The following HECTD4 variants were observed in gnomAD, a reference collection of about 807,000 sequenced individuals.
HECTD4 encodes probable E3 ubiquitin-protein ligase HECTD4.
A neutral mutation model predicts 471.5 loss-of-function variants in HECTD4; 114 were observed. That is an observed-to-expected ratio of 0.24 (90% CI 0.21 to 0.28). The LOEUF is 0.28. Among genes scored for constraint, HECTD4 ranks in the 10% least tolerant of loss-of-function variants. HECTD4 has a pLI of 1.00. For missense variants in HECTD4, 3,866 were observed against 5,651.5 expected, an observed-to-expected ratio of 0.68 and a Z score of 10.13; for synonymous variants, 2,012 against 2,256.0, an observed-to-expected ratio of 0.89 and a Z score of 3.07.
chr12:112,180,781 T>G (rs2031639404), intron 62 of HECTD4, among the ~76,000 whole-genome samples: 1 of 152,110 alleles, frequency 6.6e-6, no homozygotes, highest in African/African-American at 2.4e-5. Flanking sequence ...TGGGGGCAGC[T>G]GAGAGCTGAG....
chr12:112,365,623 T>C (rs866464376), intron 1 of HECTD4, among the ~76,000 whole-genome samples: 4 of 152,172 alleles, frequency 2.6e-5, no homozygotes, highest in South Asian at 2.1e-4. Context: ...ACAATACTAA[T>C]GTAAAACAAC....
At chr12:112,301,051 A>AT (rs201813490) in intron 7 of HECTD4, among the ~76,000 whole-genome samples, 54 of 148,694 alleles carry the variant, frequency 3.6e-4, no homozygotes, top group Non-Finnish European at 3.1e-4. Flanking sequence ...TGCCCGGCTA[A>AT]TTTTTTTTTT....
chr12:112,254,379 A>G (rs1343080647), intron 21 of HECTD4, among the ~76,000 whole-genome samples: 3 of 152,206 alleles, frequency 2.0e-5, no homozygotes, highest in African/African-American at 7.2e-5. Flanking sequence ...CAGAGTAATA[A>G]CAATTCTTAA....
At chr12:112,331,342 A>G (rs1225726403) in intron 1 of HECTD4, among the ~76,000 whole-genome samples, 1 of 152,176 alleles carries the variant, frequency 6.6e-6, no homozygotes, top group Non-Finnish European at 1.5e-5. Context: ...AAGTGCTGGG[A>G]TTACAGGCAT....
chr12:112,256,534 GAA>G lies in HECTD4; in HGVS notation c.3129-18_3129-17del. The G allele has an allele frequency of 6.6e-7, 1 of 1,507,282 alleles. No homozygotes were observed. The highest frequency in any genetic ancestry group is 2.4e-5 in the Admixed American group (1 of 41,570). The allele number at this position is 1,507,282 out of a possible 1,614,324, so 93.4% of individuals were successfully genotyped here. Reference sequence around the variant, plus strand: ...TTCTAACATTCTAAACAGAAAAAGAGAAAGTGATTTAGCTTAGCAGCCAAGGA... The same window carrying G: ...TTCTAACATTCTAAACAGAAAAAGAGAGTGATTTAGCTTAGCAGCCAAGGA... On this transcript the variant is annotated splice_polypyrimidine_tract_variant and intron_variant, in intron 20 of 75. Transcript: ENST00000682272.
intron 61 of HECTD4, 120 bp from the exon 62 acceptor site, chr12:112,183,386 C>A: frequency 1.3e-6 from 1 of 780,556 alleles, no homozygotes. Flanking sequence ...GATGTGAAAG[C>A]TGCCCTACTC....
chr12:112,341,212 T>C (rs534182336), intron 1 of HECTD4, among the ~76,000 whole-genome samples: 1 of 152,156 alleles, frequency 6.6e-6, no homozygotes, highest in Admixed American at 6.6e-5. Context: ...AAATGCCACC[T>C]GCTAGGGAAC....
chr12:112,231,669 C>T lies in HECTD4; in HGVS notation c.6044G>A (p.Arg2015Gln), dbSNP rs1417784152. The change falls in exon 39 of 76, where the codon CGG (arginine) becomes CAG (glutamine). Residue 2015 changes from arginine (R) to glutamine (Q), a missense_variant. By Grantham distance (43) the Arg-to-Gln change is conservative. Around this residue, in one of 16 missense-constraint regions of HECTD4, gnomAD observed 617 missense variants for 915.1 expected, o/e 0.67. Coordinates refer to ENST00000682272, the MANE Select transcript of HECTD4 (RefSeq NM_001388303.1). ...TGACTGTGCCCACTTGGTGGCTTTC[C>T]GCAGGGCGGCTGCAGCCTCTTCTGT... is the stretch of plus-strand genomic sequence containing the variant. ...VITEEAAAAL[R>Q]KATKWAQSGL... 3 of 1,613,318 alleles carry T rather than the reference C, an allele frequency of 1.9e-6. No individual in the cohort carries two copies. The highest frequency in any genetic ancestry group is 2.5e-6 in the Non-Finnish European group (3 of 1,179,856).
intron 1 of HECTD4, among the ~76,000 whole-genome samples, chr12:112,350,372 T>C (rs917616079): frequency 1.3e-5 from 2 of 152,240 alleles, no homozygotes; most frequent in African/African-American, 2.4e-5. Context: ...GTATGTGTTA[T>C]CAGAAATAAT....
intron 72 of HECTD4, among the ~76,000 whole-genome samples, chr12:112,165,015 G>T (rs931546955): frequency 1.3e-5 from 2 of 149,834 alleles, no homozygotes; most frequent in African/African-American, 4.9e-5. Context: ...TCTGCCTCCT[G>T]GGTTCAAGCA....
chr12:112,253,572 C>T (rs1473792832), intron 22 of HECTD4, among the ~76,000 whole-genome samples: 2 of 152,192 alleles, frequency 1.3e-5, no homozygotes, highest in East Asian at 1.9e-4. Flanking sequence ...CAGGCAGATA[C>T]ACAGTTAAGT....
chr12:112,270,580 CT>C, intron 11 of HECTD4, 121 bp from the exon 12 acceptor site: 1 of 788,380 alleles, frequency 1.3e-6, no homozygotes, highest in Non-Finnish European at 2.1e-6. Flanking sequence ...GCTATAATCT[CT>C]TTCACTGCTG....
chr12:112,319,459 A>G lies in HECTD4; in HGVS notation c.461T>C (p.Ile154Thr). The change falls in exon 2 of 76, where the codon ATT becomes ACT. Residue 154 changes from isoleucine to threonine, a missense_variant. Around this residue, in one of 16 missense-constraint regions of HECTD4, gnomAD observed 440 missense variants for 636.0 expected, o/e 0.69. Transcript: ENST00000682272. This position sits in a 1 kb window ranked among gnomAD's most constrained non-coding sequence, Gnocchi z 5.3. ...RMGLLLVFPL[I>T]QSQSRTDPSL... The stretch of plus-strand genomic sequence containing the variant: ...GGGGTCTGTTCTACTCTGGGACTGA[A>G]TAAGGGGGAAGACCAGCAGGAGCCC... The G allele has an allele frequency of 6.5e-7, 1 of 1,528,976 alleles. No homozygotes were observed. Among genetic ancestry groups the G allele is most frequent in the Non-Finnish European group, 8.8e-7 (1 of 1,142,240 alleles). 94.7% of individuals were successfully genotyped at this position (1,528,976 alleles called of 1,614,324 possible). A position where few individuals can be genotyped will look rare whatever the true frequency, so the allele number is the denominator to read the frequency against.
chr12:112,162,284 C>T lies in HECTD4; in HGVS notation c.*103G>A. On this transcript the variant is annotated 3_prime_UTR_variant, in exon 76 of 76. Transcript: ENST00000682272. The surrounding 1 kb of genome is among the most constrained non-coding windows in gnomAD (Gnocchi z 5.2). ...AAAGTTTGGAAAAGCAAAATGTTGC[C>T]AACTCCTCACGCAGGGCCCTGGAGG... 7.2e-7 allele frequency: 1 copy of T among 1,387,518 alleles called. No individual in the cohort carries two copies. Among genetic ancestry groups the T allele is most frequent in the South Asian group, 1.3e-5 (1 of 77,350 alleles). 86.0% of individuals were successfully genotyped at this position (1,387,518 alleles called of 1,614,324 possible).
chr12:112,381,919 C>A lies in HECTD4; in HGVS notation c.177+33G>T. 8.2e-7 allele frequency: 1 copy of A among 1,218,848 alleles called. No homozygotes were observed. The highest frequency in any genetic ancestry group is 1.0e-6 in the Non-Finnish European group (1 of 978,966). The allele number at this position is 1,218,848 out of a possible 1,614,324, so 75.5% of individuals were successfully genotyped here. ...GGGGGTGCCGGGCGAGTGGGTCAGT[C>A]CGATGGCGGGGGCCGGGGGCCGCCT... On this transcript the variant is annotated intron_variant, in intron 1 of 75. Transcript: ENST00000682272. The surrounding 1 kb of genome is among the most constrained non-coding windows in gnomAD (Gnocchi z 4.1).
chr12:112,197,166 C>T (rs1260412220), intron 55 of HECTD4, among the ~76,000 whole-genome samples: 1 of 152,192 alleles, frequency 6.6e-6, no homozygotes, highest in Non-Finnish European at 1.5e-5. Flanking sequence ...CCTTCCTTGG[C>T]CTCCCAAAGT....
rs371078600 is a variant in HECTD4, at chr12:112,170,452, C to T, written c.11933G>A (p.Gly3978Glu). ...SIAALLKEAK[G>E]LIFYDTKVTV... Reference sequence around the variant, plus strand: ...CACCTTCGTGTCATAGAAGATCAGCCCTAAGGAGAGGAACGTGGGAGAGGC... The same window carrying T: ...CACCTTCGTGTCATAGAAGATCAGCTCTAAGGAGAGGAACGTGGGAGAGGC... The change falls in exon 69 of 76, where the codon GGG becomes GAG. Residue 3978 changes from glycine (G) to glutamate (E), a missense_variant and splice_region_variant. Gly to Glu is a moderately conservative substitution (Grantham distance 98, BLOSUM62 -2). This residue lies in a region of HECTD4 where 715 missense variants were observed against 1,087.6 expected (regional missense o/e 0.66). Transcript: ENST00000682272. The T allele has an allele frequency of 1.9e-6, 3 of 1,613,654 alleles. No homozygotes were observed. Among genetic ancestry groups the T allele is most frequent in the African/African-American group, 2.7e-5 (2 of 74,906 alleles).
chr12:112,283,055 G>A, intron 8 of HECTD4, 55 bp downstream of exon 8: 5 of 1,415,954 alleles, frequency 3.5e-6, no homozygotes, highest in African/African-American at 1.4e-5. Context: ...TCAATAAGAC[G>A]TAGCTGAACA....
chr12:112,177,671 C>T (rs1226130560), intron 64 of HECTD4, among the ~76,000 whole-genome samples: 1 of 152,188 alleles, frequency 6.6e-6, no homozygotes, highest in African/African-American at 2.4e-5. Context: ...TGAGCCACCG[C>T]GCCCGGCCTA....
Sources: gnomAD v4.1 joint callset for allele counts (sites outside exome capture counted in the v4.1 genomes callset) on GRCh38, gnomAD v4.1.1 for gene constraint, gnomAD v4.1.1 regional missense constraint, Gnocchi (gnomAD v3.1) non-coding constraint, MANE v1.5 for transcripts, NCBI Gene and HGNC (gene_info 2026-07-23, HGNC 2026-07-21) for gene names.